The following OPCML variants were observed in gnomAD, a reference collection of about 807,000 sequenced individuals.
OPCML encodes the protein opioid binding protein/cell adhesion molecule like.
In OPCML, 13 loss-of-function variants were observed where a neutral mutation model predicts 37.8. That is an observed-to-expected ratio of 0.34 (90% CI 0.22 to 0.55). OPCML has a LOEUF of 0.55. OPCML is among the 20% of genes least tolerant of loss of function. The pLI, the probability that OPCML is intolerant of heterozygous loss-of-function variation, is 0.91. For missense variants in OPCML, 341 were observed against 435.6 expected (o/e 0.78, Z 1.93); for synonymous variants, 176 against 168.8 (o/e 1.04, Z -0.33).
chr11:133,347,206 G>A (rs1395958435), intron 1 of OPCML, among the ~76,000 whole-genome samples: 1 of 152,176 alleles, frequency 6.6e-6, no homozygotes, highest in East Asian at 1.9e-4. Context: ...ATCTTGTAAA[G>A]CACGTGTGGC....
chr11:133,305,164 C>A (rs2136576039), intron 1 of OPCML, among the ~76,000 whole-genome samples: 1 of 152,284 alleles, frequency 6.6e-6, no homozygotes, highest in Admixed American at 6.5e-5. Context: ...ATTTATCTCA[C>A]AGAGATGTTG....
chr11:133,088,624 TCA>T (rs1039415241), intron 1 of OPCML, among the ~76,000 whole-genome samples: 1 of 152,244 alleles, frequency 6.6e-6, no homozygotes, highest in Non-Finnish European at 1.5e-5. Context: ...TGCGGTGGTT[TCA>T]GTTTAATTCA....
rs1491494970 is a variant in OPCML at position 132,781,624 on chromosome 11, T to TA, written c.147-124306_147-124305insT. On this transcript the variant is annotated intron_variant, in intron 2 of 7. Transcript: ENST00000524381. ...CATACACACACACACACACACCCTA[T>TA]TTTTTTTTTTTGGTCTGGAAAACTC... is the stretch of plus-strand genomic sequence containing the variant. Among the ~76,000 whole-genome samples the TA allele has an allele frequency of 5.5e-5, 5 of 91,304 alleles. 1 individual carries two copies. In the South Asian group the frequency reaches 8.4e-4, roughly 15 times the overall value. 59.9% of individuals were successfully genotyped at this position (91,304 alleles called of 152,430 possible).
intron 1 of OPCML, among the ~76,000 whole-genome samples, chr11:133,223,812 G>A (rs900912788): frequency 2.6e-5 from 4 of 152,132 alleles, no homozygotes; most frequent in African/African-American, 9.7e-5. Flanking sequence ...TGTGAAGCCC[G>A]CTCTTGCCAT....
intron 1 of OPCML, among the ~76,000 whole-genome samples, chr11:133,315,720 C>A (rs1221469965): frequency 6.6e-6 from 1 of 152,158 alleles, no homozygotes; most frequent in Non-Finnish European, 1.5e-5. Context: ...ATTGCTTGAA[C>A]CCAGGAGGCA....
At chr11:132,471,266 G>C (rs2509234) in intron 4 of OPCML, among the ~76,000 whole-genome samples, 65,538 of 151,974 alleles carry the variant, frequency 0.43, 15,505 homozygotes, top group East Asian at 0.8. Flanking sequence ...GCAGGGGATG[G>C]CTGTGGATGG....
At chr11:132,728,978 G>T (rs778177870) in intron 2 of OPCML, among the ~76,000 whole-genome samples, 13 of 152,140 alleles carry the variant, frequency 8.5e-5, no homozygotes, top group Non-Finnish European at 1.8e-4. Flanking sequence ...CAATAATGAT[G>T]ATGAGGAGAT....
At chr11:133,117,981 A>T (rs1949362530) in intron 1 of OPCML, 1 of 966,398 alleles carries the variant, frequency 1.0e-6, no homozygotes, top group African/African-American at 1.8e-5. Context: ...CTGCAAGTGG[A>T]GGAGACATCA....
At chr11:132,630,085 G>A (rs147430446) in intron 3 of OPCML, among the ~76,000 whole-genome samples, 144 of 152,228 alleles carry the variant, frequency 9.5e-4, no homozygotes, top group African/African-American at 3.3e-3. Context: ...TGAGGTATAC[G>A]TTATTTTACA....
intron 2 of OPCML, among the ~76,000 whole-genome samples, chr11:132,763,241 C>T (rs1433148366): frequency 6.6e-6 from 1 of 152,144 alleles, no homozygotes; most frequent in Non-Finnish European, 1.5e-5. Flanking sequence ...CAGCTGCAGA[C>T]CAAAGCTGTT....
chr11:133,421,844 A>G, intron 1 of OPCML: 2 of 839,306 alleles, frequency 2.4e-6, no homozygotes, highest in Non-Finnish European at 2.9e-6. Flanking sequence ...AGCCATCCCT[A>G]CTGTAACCTC....
chr11:132,645,624 T>C (rs887709776), intron 3 of OPCML, among the ~76,000 whole-genome samples: 1 of 152,108 alleles, frequency 6.6e-6, no homozygotes, highest in Non-Finnish European at 1.5e-5. Flanking sequence ...AACTGAAATT[T>C]GAAACAAAAA....
At chr11:133,221,425 C>T (rs1425382520) in intron 1 of OPCML, among the ~76,000 whole-genome samples, 2 of 152,332 alleles carry the variant, frequency 1.3e-5, no homozygotes, top group African/African-American at 2.4e-5. Context: ...TTTCCTCTTT[C>T]GTAACGTGGA....
At chr11:133,282,142 C>T (rs1824050708) in intron 1 of OPCML, among the ~76,000 whole-genome samples, 1 of 152,114 alleles carries the variant, frequency 6.6e-6, no homozygotes, top group South Asian at 2.1e-4. Context: ...CAACCACTTG[C>T]TAGAGAGATT....
At chr11:132,488,207 A>G (rs1262512130) in intron 4 of OPCML, among the ~76,000 whole-genome samples, 1 of 152,232 alleles carries the variant, frequency 6.6e-6, no homozygotes, top group Non-Finnish European at 1.5e-5. Flanking sequence ...TGTGTGAAGC[A>G]TTCTTTGATC....
At position 132,701,713 on chromosome 11, in the gene OPCML, T is replaced by C. The variant is rs575014901; in HGVS notation, c.147-44394A>G. On this transcript the variant is annotated intron_variant, in intron 2 of 7. Coordinates refer to ENST00000524381, the MANE Select transcript of OPCML (RefSeq NM_001012393.5). ...GTTGTTTTCCAACTACTTTGTGGTT[T>C]CTTTTTTCCTTTCTTCCTCCCTTGC... 1.8e-4 allele frequency among the ~76,000 whole-genome samples: 27 copies of C among 152,176 alleles called. 1 individual carries two copies. In the East Asian group the frequency reaches 2.7e-3, roughly 15 times the overall value.
At chr11:133,259,349 A>AG (rs759914523) in intron 1 of OPCML, among the ~76,000 whole-genome samples, 7 of 152,234 alleles carry the variant, frequency 4.6e-5, no homozygotes, top group African/African-American at 7.2e-5. Context: ...CTAGAAGTAA[A>AG]GACTAAAGCA....
intron 3 of OPCML, among the ~76,000 whole-genome samples, chr11:132,618,954 TACACACACACACAC>T (rs6144570): frequency 0.086 from 12,515 of 145,458 alleles, 1,006 homozygotes; most frequent in African/African-American, 0.21. Flanking sequence ...AGCACACGCA[TACACACACACACAC>T]ACACACACAC....
intron 2 of OPCML, among the ~76,000 whole-genome samples, chr11:132,691,363 G>T (rs1461261524): frequency 2.0e-5 from 3 of 152,176 alleles, no homozygotes; most frequent in Non-Finnish European, 4.4e-5. Context: ...GTGAAGACTA[G>T]GTTAAAGCCA....
Sources: allele counts gnomAD v4.1 joint callset (sites outside exome capture counted in the v4.1 genomes callset), GRCh38; gene constraint gnomAD v4.1.1; transcripts MANE v1.5; gene names NCBI Gene and HGNC (gene_info 2026-07-23, HGNC 2026-07-21).